NCEH1: variants seen among roughly 807,000 people sequenced by gnomAD.
NCEH1 encodes 2-acetyl MAGE hydrolase.
A neutral mutation model predicts 25.4 loss-of-function variants in NCEH1; 9 were observed. The observed-to-expected ratio is 0.35, with a 90% CI of 0.21 to 0.62. The LOEUF (loss-of-function observed/expected upper bound fraction) is 0.62, where lower values mean the gene tolerates loss of function less well. Among genes scored for constraint, NCEH1 ranks in the 20% least tolerant of loss-of-function variants. NCEH1 has a pLI of 0.72. For synonymous variants in NCEH1, 200 were observed against 199.8 expected, an observed-to-expected ratio of 1.00 and a Z score of -0.01; for missense variants, 412 against 501.1, an observed-to-expected ratio of 0.82 and a Z score of 1.70.
At chr3:172,657,924 T>A (rs1717777286) in intron 1 of NCEH1, among the ~76,000 whole-genome samples, 1 of 152,180 alleles carries the variant, frequency 6.6e-6, no homozygotes, top group Non-Finnish European at 1.5e-5. Flanking sequence ...CTACAGGAAT[T>A]TTGCAAGTCA....
chr3:172,673,892 G>T (rs1711792070), intron 1 of NCEH1, among the ~76,000 whole-genome samples: 1 of 152,166 alleles, frequency 6.6e-6, no homozygotes, highest in Non-Finnish European at 1.5e-5. Context: ...AACTCTATTT[G>T]CCAGCCTGCA....
intron 1 of NCEH1, among the ~76,000 whole-genome samples, chr3:172,653,748 T>TTTTG (rs1560186455): frequency 1.8e-4 from 14 of 77,182 alleles, no homozygotes; most frequent in Non-Finnish European, 1.7e-4. Context: ...TTTTTTGTTT[T>TTTTG]TTTGTTTTTT....
chr3:172,643,662 G>A (rs1381034262), intron 3 of NCEH1, among the ~76,000 whole-genome samples: 1 of 152,202 alleles, frequency 6.6e-6, no homozygotes, highest in Non-Finnish European at 1.5e-5. Flanking sequence ...TGCTGATAAG[G>A]GGAGAAGGGA....
At chr3:172,682,109 A>G (rs1560200564) in intron 1 of NCEH1, among the ~76,000 whole-genome samples, 1 of 152,228 alleles carries the variant, frequency 6.6e-6, no homozygotes, top group East Asian at 1.9e-4. Flanking sequence ...GTGCTGGAAT[A>G]GACAGAGCCT....
chr3:172,668,370 T>TTG, intron 1 of NCEH1, among the ~76,000 whole-genome samples: 1 of 144,442 alleles, frequency 6.9e-6, no homozygotes, highest in African/African-American at 2.6e-5. Context: ...TTTTTTTTTT[T>TTG]TTTTGAGAGA....
At position 172,666,835 on chromosome 3, in the gene NCEH1, T is replaced by C. The variant is rs548528541; in HGVS notation, c.139-18721A>G. Among the ~76,000 whole-genome samples, 65 of 152,294 alleles carry C rather than the reference T, an allele frequency of 4.3e-4. 1 individual carries two copies. The highest frequency in any genetic ancestry group is 6.8e-3 in the Middle Eastern group (2 of 294). ...TGAATGTGTGGGAATTTTTACAGCCTAGAGAAGTAATCCTGTTAGGCAAGA... is the reference window on the plus strand; with the variant it reads ...TGAATGTGTGGGAATTTTTACAGCCCAGAGAAGTAATCCTGTTAGGCAAGA... On this transcript the variant is annotated intron_variant, in intron 1 of 4. Coordinates refer to ENST00000475381, the MANE Select transcript of NCEH1 (RefSeq NM_020792.6).
chr3:172,642,787 A>G (rs1298536792), intron 3 of NCEH1, among the ~76,000 whole-genome samples: 1 of 152,146 alleles, frequency 6.6e-6, no homozygotes, highest in Admixed American at 6.5e-5. Context: ...AATGATTCTC[A>G]TGACAATTCT....
chr3:172,662,113 C>T (rs1717999842), intron 1 of NCEH1, among the ~76,000 whole-genome samples: 1 of 152,078 alleles, frequency 6.6e-6, no homozygotes, highest in South Asian at 2.1e-4. Flanking sequence ...GTTTGTCATA[C>T]ATAGCTCTTA....
At chr3:172,636,846 G>A (rs1297940659) in intron 3 of NCEH1, among the ~76,000 whole-genome samples, 1 of 152,156 alleles carries the variant, frequency 6.6e-6, no homozygotes, top group Admixed American at 6.5e-5. Flanking sequence ...CTCACCCATA[G>A]TGTTATCTTA....
At chr3:172,689,893 ATTAT>A (rs1458333532) in intron 1 of NCEH1, among the ~76,000 whole-genome samples, 43 of 148,920 alleles carry the variant, frequency 2.9e-4, no homozygotes, top group African/African-American at 1.0e-3. Context: ...TTTATTTTTT[ATTAT>A]TTTATTTATT....
chr3:172,676,851 C>G (rs1560197887), intron 1 of NCEH1, among the ~76,000 whole-genome samples: 1 of 152,084 alleles, frequency 6.6e-6, no homozygotes, highest in Non-Finnish European at 1.5e-5. Flanking sequence ...AAAAATGAGA[C>G]TTTTAAAAAA....
At chr3:172,642,943 T>C (rs1203672486) in intron 3 of NCEH1, among the ~76,000 whole-genome samples, 5 of 152,148 alleles carry the variant, frequency 3.3e-5, no homozygotes, top group African/African-American at 1.2e-4. Flanking sequence ...GTTTGTTTGT[T>C]TGTTTGTTTT....
chr3:172,683,358 C>G (rs1166541900), intron 1 of NCEH1, among the ~76,000 whole-genome samples: 2 of 61,516 alleles, frequency 3.3e-5, no homozygotes, highest in African/African-American at 1.6e-4. Flanking sequence ...AGCCGAGATC[C>G]CGCCACTGCA....
chr3:172,647,881 C>CCAGCCTT lies in NCEH1; in HGVS notation c.367+4_367+5insAAGGCTG. ...ACAAACCATCTGAAGGTGACCAGGA[C>CCAGCCTT]GCACTTGCACTTGCCAAGGCCCAGC... On this transcript the variant is annotated splice_donor_region_variant and intron_variant, in intron 2 of 4. Coordinates refer to ENST00000475381, the MANE Select transcript of NCEH1 (RefSeq NM_020792.6). The CCAGCCTT allele has an allele frequency of 6.2e-7, 1 of 1,614,126 alleles. No homozygotes were observed. Among genetic ancestry groups the CCAGCCTT allele is most frequent in the Non-Finnish European group, 8.5e-7 (1 of 1,180,014 alleles).
intron 3 of NCEH1, among the ~76,000 whole-genome samples, chr3:172,643,813 G>A (rs959836682): frequency 6.6e-6 from 1 of 152,100 alleles, no homozygotes; most frequent in Non-Finnish European, 1.5e-5. Flanking sequence ...CAAGGAGCTG[G>A]GGCTACACAA....
chr3:172,634,127 T>A (rs66931377), intron 4 of NCEH1, 35 bp from the exon 5 acceptor site: 122,338 of 1,583,258 alleles, frequency 0.077, 5,362 homozygotes, highest in African/African-American at 0.17. Flanking sequence ...TATTTCATTT[T>A]GCATGCCTTC....
chr3:172,642,601 T>TAAAAAAA lies in NCEH1; in HGVS notation c.437+3021_437+3022insTTTTTTT, dbSNP rs1411772207. ...ACAAGGATTACTATCTTGCTATTTC[T>TAAAAAAA]ACAAAAAAAAAAAAAAAAAAAAAGA... On this transcript the variant is annotated intron_variant, in intron 3 of 4. Coordinates refer to ENST00000475381, the MANE Select transcript of NCEH1 (RefSeq NM_020792.6). Among the ~76,000 whole-genome samples, 12 of 39,134 alleles carry TAAAAAAA rather than the reference T, an allele frequency of 3.1e-4. 1 individual carries two copies. Among genetic ancestry groups the TAAAAAAA allele is most frequent in the Admixed American group, 1.9e-3 (9 of 4,642 alleles). 25.7% of individuals were successfully genotyped at this position (39,134 alleles called of 152,430 possible).
At chr3:172,641,859 T>A (rs2108492065) in intron 3 of NCEH1, among the ~76,000 whole-genome samples, 1 of 152,324 alleles carries the variant, frequency 6.6e-6, no homozygotes, top group East Asian at 1.9e-4. Context: ...CATCCAAACA[T>A]CACTTTCTTT....
chr3:172,670,327 C>T (rs1297196758), intron 1 of NCEH1, among the ~76,000 whole-genome samples: 2 of 152,176 alleles, frequency 1.3e-5, no homozygotes, highest in Admixed American at 6.5e-5. Flanking sequence ...ACTTCCATTA[C>T]ACTTTTATTG....
Sources: gnomAD v4.1 joint callset for allele counts (sites outside exome capture counted in the v4.1 genomes callset) on GRCh38, gnomAD v4.1.1 for gene constraint, MANE v1.5 for transcripts, NCBI Gene and HGNC (gene_info 2026-07-23, HGNC 2026-07-21) for gene names.